AGBL1: variants seen among roughly 807,000 people sequenced by gnomAD.
The protein encoded by AGBL1 is AGBL carboxypeptidase 1, also known as cytosolic carboxypeptidase 4.
Under a neutral mutation model 118.9 loss-of-function variants are expected in AGBL1, and 130 were observed. The observed-to-expected ratio is 1.09, with a 90% confidence interval of 0.95 to 1.26. AGBL1 has a LOEUF of 1.26. AGBL1 is among the 50% of genes most tolerant of loss of function. The pLI, the probability that AGBL1 is intolerant of heterozygous loss-of-function variation, is 0.00. For synonymous variants in AGBL1, 555 were observed against 478.9 expected (o/e 1.16, Z -2.08); for missense variants, 1,584 against 1,298.1 (o/e 1.22, Z -3.38).
chr15:86,541,815 C>A (rs2083501508), intron 19 of AGBL1, among the ~76,000 whole-genome samples: 2 of 152,092 alleles, frequency 1.3e-5, no homozygotes, highest in Non-Finnish European at 2.9e-5. Context: ...ACAACTACCT[C>A]ATGTTGCCTC....
intron 22 of AGBL1, among the ~76,000 whole-genome samples, chr15:86,684,649 G>C (rs765140698): frequency 2.8e-4 from 43 of 152,056 alleles, no homozygotes; most frequent in Non-Finnish European, 5.1e-4. Context: ...ACAGACATAA[G>C]GCTTAAATTC....
intron 1 of AGBL1, among the ~76,000 whole-genome samples, chr15:86,082,209 C>G (rs1368235851): frequency 6.6e-6 from 1 of 152,198 alleles, no homozygotes; most frequent in Non-Finnish European, 1.5e-5. Flanking sequence ...AATAATCTTT[C>G]ATGATGGATT....
intron 23 of AGBL1, among the ~76,000 whole-genome samples, chr15:86,964,581 T>G (rs949616571): frequency 6.6e-6 from 1 of 152,026 alleles, no homozygotes. Context: ...CTTATTAATG[T>G]AGACAGCTTA....
chr15:86,104,542 G>A (rs1896922637), intron 1 of AGBL1, among the ~76,000 whole-genome samples: 1 of 152,104 alleles, frequency 6.6e-6, no homozygotes, highest in African/African-American at 2.4e-5. Flanking sequence ...ATGGCTGTAT[G>A]TGGGGGAGTC....
intron 18 of AGBL1, among the ~76,000 whole-genome samples, chr15:86,476,215 A>T (rs573696905): frequency 6.6e-6 from 1 of 152,338 alleles, no homozygotes; most frequent in East Asian, 1.9e-4. Flanking sequence ...GACAGGATCA[A>T]ATTCACACCT....
At chr15:86,725,330 T>C (rs1381619307) in intron 22 of AGBL1, among the ~76,000 whole-genome samples, 1 of 152,016 alleles carries the variant, frequency 6.6e-6, no homozygotes, top group Admixed American at 6.6e-5. Context: ...ACACAGAAAA[T>C]GATCAAGTAA....
intron 18 of AGBL1, among the ~76,000 whole-genome samples, chr15:86,436,168 G>T (rs961536635): frequency 8.8e-6 from 1 of 113,624 alleles, no homozygotes; most frequent in South Asian, 3.0e-4. Context: ...GAAAATTATT[G>T]TCTTACCGCT....
At chr15:86,221,532 G>A (rs1393683921) in intron 5 of AGBL1, among the ~76,000 whole-genome samples, 1 of 152,226 alleles carries the variant, frequency 6.6e-6, no homozygotes, top group African/African-American at 2.4e-5. Flanking sequence ...TGGCAGAGCA[G>A]CAATGATGAG....
chr15:86,558,107 G>T (rs2083760618), intron 21 of AGBL1, among the ~76,000 whole-genome samples: 1 of 152,122 alleles, frequency 6.6e-6, no homozygotes, highest in Admixed American at 6.5e-5. Flanking sequence ...GGCAATTCTA[G>T]TTCAGGTATG....
intron 5 of AGBL1, among the ~76,000 whole-genome samples, chr15:86,206,696 G>A (rs985718071): frequency 2.5e-4 from 38 of 152,168 alleles, no homozygotes; most frequent in Non-Finnish European, 5.4e-4. Context: ...GTTCTTTGTA[G>A]ATTGTGGATA....
At chr15:86,776,118 G>A (rs2078252071) in intron 22 of AGBL1, among the ~76,000 whole-genome samples, 1 of 152,060 alleles carries the variant, frequency 6.6e-6, no homozygotes, top group Admixed American at 6.6e-5. Context: ...TCAACATGTT[G>A]CGCTTGAGAT....
At chr15:86,165,924 C>G (rs2077335126) in intron 5 of AGBL1, among the ~76,000 whole-genome samples, 3 of 152,158 alleles carry the variant, frequency 2.0e-5, no homozygotes, top group Admixed American at 2.0e-4. Context: ...TGAATAGTTT[C>G]TTACATGAAT....
chr15:86,866,041 C>A lies in AGBL1; in HGVS notation c.3159-41046C>A, dbSNP rs77521109. ...TGCCTCAGCCATCTTTCCCTTCCCC[C>A]CAAGTTGCACTGTAAGAAACATCTT... On this transcript the variant is annotated intron_variant, in intron 22 of 22. Transcript: ENST00000614907. Among the ~76,000 whole-genome samples, 13 of 152,288 alleles carry A rather than the reference C, an allele frequency of 8.5e-5. No individual in the cohort carries two copies. In the East Asian group the frequency reaches 2.5e-3, roughly 29 times the overall value.
At chr15:86,965,613 T>C (rs1596683504) in intron 23 of AGBL1, among the ~76,000 whole-genome samples, 1 of 151,770 alleles carries the variant, frequency 6.6e-6, no homozygotes, top group South Asian at 2.1e-4. Flanking sequence ...TTTCTTTCCA[T>C]CAATGATAGA....
rs542576441 is a variant in AGBL1 at position 86,915,583 on chromosome 15, C to G, written c.*8289C>G. Reference sequence around the variant, plus strand: ...TTCCTACTGTCATCTTGGAGAAACCCAGTCACAGCTTTTGTTGTATGGCAT... The same window carrying G: ...TTCCTACTGTCATCTTGGAGAAACCGAGTCACAGCTTTTGTTGTATGGCAT... On this transcript the variant is annotated 3_prime_UTR_variant, in exon 23 of 23. Coordinates refer to ENST00000614907, the MANE Select transcript of AGBL1 (RefSeq NM_001386094.1). The G allele has an allele frequency of 6.6e-5, 10 of 152,344 alleles. No individual in the cohort carries two copies. Among genetic ancestry groups the G allele is most frequent in the African/African-American group, 2.2e-4 (9 of 41,556 alleles). The allele number at this position is 152,344 out of a possible 1,614,324, so 9.4% of individuals were successfully genotyped here.
chr15:86,860,463 A>G (rs1028877992), intron 22 of AGBL1, among the ~76,000 whole-genome samples: 4 of 151,402 alleles, frequency 2.6e-5, no homozygotes, highest in Non-Finnish European at 5.9e-5. Flanking sequence ...TTTATATACA[A>G]TTTCTTCCTC....
chr15:86,921,033 C>T (rs916169715), downstream of AGBL1, among the ~76,000 whole-genome samples: 1 of 152,156 alleles, frequency 6.6e-6, no homozygotes, highest in Non-Finnish European at 1.5e-5. Context: ...TAGACCTGAC[C>T]TCCCCAGCGG....
At chr15:87,024,280 GAAAT>G (rs1226806181) in intron 24 of AGBL1, among the ~76,000 whole-genome samples, 1 of 151,730 alleles carries the variant, frequency 6.6e-6, no homozygotes, top group Non-Finnish European at 1.5e-5. Flanking sequence ...AGTTCAATAA[GAAAT>G]AAAACAGGAG....
chr15:86,816,856 A>T (rs763506979), intron 22 of AGBL1, among the ~76,000 whole-genome samples: 1 of 148,294 alleles, frequency 6.7e-6, no homozygotes, highest in Non-Finnish European at 1.5e-5. Flanking sequence ...TTATCTAAAT[A>T]TTTTTTTTCC....
Sources: gnomAD v4.1 joint callset for allele counts (sites outside exome capture counted in the v4.1 genomes callset) on GRCh38, gnomAD v4.1.1 for gene constraint, MANE v1.5 for transcripts, NCBI Gene and HGNC (gene_info 2026-07-23, HGNC 2026-07-21) for gene names.